Variants in SHANK2 observed in about 807,000 individuals in gnomAD.
SHANK2 encodes SH3 and multiple ankyrin repeat domains 2.
In SHANK2, 43 loss-of-function variants were observed where a neutral mutation model predicts 133.7. That is an observed-to-expected ratio of 0.32 (90% CI 0.25 to 0.41). SHANK2 has a LOEUF of 0.41. Ranked by LOEUF, SHANK2 falls within the 10% of genes least tolerant of loss-of-function variation. SHANK2 has a pLI of 1.00. For missense variants in SHANK2, 1,994 were observed against 2,235.8 expected, an observed-to-expected ratio of 0.89 and a Z score of 2.18; for synonymous variants, 1,017 against 952.8, an observed-to-expected ratio of 1.07 and a Z score of -1.24.
intron 15 of SHANK2, among the ~76,000 whole-genome samples, chr11:70,675,938 A>G (rs1177049865): frequency 6.6e-6 from 1 of 152,176 alleles, no homozygotes; most frequent in Non-Finnish European, 1.5e-5. Flanking sequence ...TTCCCATCTC[A>G]ATGAACTGGC....
intron 17 of SHANK2, among the ~76,000 whole-genome samples, chr11:70,553,239 A>C (rs1481511839): frequency 6.6e-6 from 1 of 151,802 alleles, no homozygotes; most frequent in Non-Finnish European, 1.5e-5. Flanking sequence ...ACAGCTGCCC[A>C]CCACCACGCC....
intron 10 of SHANK2, chr11:70,911,158 T>C (rs868951201): frequency 2.2e-6 from 1 of 456,740 alleles, no homozygotes; most frequent in Middle Eastern, 3.3e-4. Context: ...CAGCTAAAAG[T>C]ACATGCCACG....
intron 11 of SHANK2, among the ~76,000 whole-genome samples, chr11:70,879,681 G>A (rs1289344891): frequency 6.6e-6 from 1 of 152,242 alleles, no homozygotes; most frequent in Non-Finnish European, 1.5e-5. Context: ...AAATTCAGGG[G>A]TTGAATCCCT....
rs1948486921 is a variant in SHANK2, at chr11:70,820,233, G to T, written c.1493+131C>A. Reference sequence around the variant, plus strand: ...GGGACAGTGAGCAAAACTCAGGCATGAAAGTTTCCTCAACATCTGGGTTGG... The same window carrying T: ...GGGACAGTGAGCAAAACTCAGGCATTAAAGTTTCCTCAACATCTGGGTTGG... On this transcript the variant is annotated intron_variant, in intron 12 of 25. Coordinates refer to ENST00000601538, the MANE Select transcript of SHANK2 (RefSeq NM_012309.5). The T allele has an allele frequency of 2.1e-5, 12 of 569,198 alleles. No homozygotes were observed. In the East Asian group the frequency reaches 3.6e-4, roughly 17 times the overall value. 35.3% of individuals were successfully genotyped at this position (569,198 alleles called of 1,614,324 possible).
chr11:70,761,102 A>T (rs1004330313), intron 14 of SHANK2, among the ~76,000 whole-genome samples: 4 of 152,164 alleles, frequency 2.6e-5, no homozygotes, highest in African/African-American at 9.7e-5. Flanking sequence ...TAAATGAGAC[A>T]AAGTCGTCTG....
intron 2 of SHANK2, among the ~76,000 whole-genome samples, chr11:71,223,352 A>G (rs1179839148): frequency 6.6e-6 from 1 of 152,242 alleles, no homozygotes; most frequent in Non-Finnish European, 1.5e-5. Flanking sequence ...ACAGCCTTCC[A>G]TATGCGTGGC....
At chr11:71,203,463 G>A (rs1167324461) in intron 2 of SHANK2, among the ~76,000 whole-genome samples, 1 of 152,068 alleles carries the variant, frequency 6.6e-6, no homozygotes, top group Non-Finnish European at 1.5e-5. Context: ...AGCAGGCCTG[G>A]GTTGTCCAAA....
At chr11:71,097,780 A>T (rs1464024191) in intron 6 of SHANK2, among the ~76,000 whole-genome samples, 1 of 152,192 alleles carries the variant, frequency 6.6e-6, no homozygotes, top group Admixed American at 6.5e-5. Flanking sequence ...GGAGGAGTGT[A>T]AGTGTTTAAG....
chr11:70,761,621 G>A (rs1037393825), intron 14 of SHANK2, among the ~76,000 whole-genome samples: 5 of 152,242 alleles, frequency 3.3e-5, no homozygotes, highest in Admixed American at 2.0e-4. Flanking sequence ...CCAAGGTGCA[G>A]GGCTTCCCCG....
chr11:71,094,443 G>T, intron 7 of SHANK2, 94 bp downstream of exon 7: 1 of 1,261,612 alleles, frequency 7.9e-7, no homozygotes, highest in South Asian at 1.5e-5. Flanking sequence ...ACTGTGCACG[G>T]ACCCCCTAGG....
chr11:70,616,250 A>C (rs1378887190), intron 17 of SHANK2, among the ~76,000 whole-genome samples: 1 of 152,106 alleles, frequency 6.6e-6, no homozygotes, highest in East Asian at 1.9e-4. Context: ...GTAGCTACTG[A>C]GCTGAAGGTC....
intron 14 of SHANK2, among the ~76,000 whole-genome samples, chr11:70,747,836 C>T (rs946803299): frequency 3.3e-5 from 5 of 152,294 alleles, no homozygotes; most frequent in Middle Eastern, 3.4e-3. Context: ...GCATGCTGCA[C>T]GGTGCATGTA....
At chr11:70,948,199 T>G (rs782560357) in intron 10 of SHANK2, 12 of 429,008 alleles carry the variant, frequency 2.8e-5, no homozygotes, top group Non-Finnish European at 3.9e-5. Flanking sequence ...GCTTCCGCAT[T>G]GCCAGCTCCG....
At chr11:71,237,578 C>T (rs1206228854) in intron 1 of SHANK2, among the ~76,000 whole-genome samples, 1 of 152,220 alleles carries the variant, frequency 6.6e-6, no homozygotes, top group East Asian at 1.9e-4. Context: ...CTAAAGATCA[C>T]AAAGCCGAGG....
intron 10 of SHANK2, among the ~76,000 whole-genome samples, chr11:70,947,782 C>T (rs1290435200): frequency 2.6e-5 from 4 of 152,190 alleles, no homozygotes; most frequent in African/African-American, 9.6e-5. Flanking sequence ...CCTCACTCAG[C>T]ATCTTCATGA....
Position 70,923,557 on chromosome 11 carries a change from TGA to T in SHANK2, c.1108-26992_1108-26991del, listed in dbSNP as rs1192721539. On this transcript the variant is annotated intron_variant, in intron 10 of 25. Coordinates refer to ENST00000601538, the MANE Select transcript of SHANK2 (RefSeq NM_012309.5). ...GCGCCCAGCTGCTTGCAACATTTTT[TGA>T]GAGAGACAGGATCCCACTCTATCGC... 5.9e-5 allele frequency among the ~76,000 whole-genome samples: 9 copies of T among 152,006 alleles called. No individual in the cohort carries two copies. The South Asian group carries it at 1.9e-3, about 32-fold the overall frequency.
chr11:70,771,128 T>C (rs1419079548), intron 14 of SHANK2, among the ~76,000 whole-genome samples: 7 of 152,248 alleles, frequency 4.6e-5, no homozygotes, highest in African/African-American at 1.7e-4. Context: ...GTTTTCATCA[T>C]GTTGCCCAGG....
intron 2 of SHANK2, among the ~76,000 whole-genome samples, chr11:71,197,446 C>T (rs1240308879): frequency 6.6e-6 from 1 of 152,204 alleles, no homozygotes; most frequent in African/African-American, 2.4e-5. Context: ...TAGCTCAGTT[C>T]TTTCATCTAG....
intron 17 of SHANK2, among the ~76,000 whole-genome samples, chr11:70,649,208 G>A (rs2061309559): frequency 1.3e-5 from 2 of 152,192 alleles, no homozygotes; most frequent in South Asian, 2.1e-4. Flanking sequence ...GACCGTCCCT[G>A]TCTATCTCCA....
Sources: allele counts gnomAD v4.1 joint callset (sites outside exome capture counted in the v4.1 genomes callset), GRCh38; gene constraint gnomAD v4.1.1; transcripts MANE v1.5; gene names NCBI Gene and HGNC (gene_info 2026-07-23, HGNC 2026-07-21).